Variants in ZNF726 observed in about 807,000 individuals in gnomAD.
ZNF726 encodes the protein zinc finger protein 92 pseudogene 3.
Under a neutral mutation model 11.6 loss-of-function variants are expected in ZNF726, and 15 were observed. The ratio of observed to expected loss-of-function variants is 1.29; its 90% confidence interval spans 0.86 to 1.99. The LOEUF (loss-of-function observed/expected upper bound fraction) is 1.99, where lower values mean the gene tolerates loss of function less well. ZNF726 is among the 30% of genes most tolerant of loss of function. The pLI is 0.00. For missense variants in ZNF726, 890 were observed against 725.6 expected, an observed-to-expected ratio of 1.23 and a Z score of -2.60; for synonymous variants, 295 against 243.6, an observed-to-expected ratio of 1.21 and a Z score of -1.96.
At chr19:23,936,595 G>A (rs1346328531), downstream of ZNF726, among the ~76,000 whole-genome samples, 2 of 151,960 alleles carry the variant, frequency 1.3e-5, no homozygotes. Flanking sequence ...TAAAATGTAA[G>A]ATACATGATG....
At chr19:23,915,031 G>C in intron 1 of ZNF726, 34 bp downstream of exon 1, 1 of 1,613,790 alleles carries the variant, frequency 6.2e-7, no homozygotes, top group Non-Finnish European at 8.5e-7. Context: ...CCAAGAGAGG[G>C]AACGGGGCTG....
Position 23,932,631 on chromosome 19 carries a change from C to G in ZNF726, c.515C>G (p.Pro172Arg), listed in dbSNP as rs764180701. ...AAGATAAGACATACTAGAAAGAAAC[C>G]TTTCAAATGTAAAAATTGTGTCAAA... ...RYKIRHTRKK[P>R]FKCKNCVKSF... is the part of the protein sequence containing the mutation. The change falls in exon 4 of 4, where the codon CCT becomes CGT. Residue 172 changes from proline to arginine, a missense_variant. Physicochemically the swap from Pro to Arg is moderately radical, Grantham distance 103. Coordinates refer to ENST00000594466, the MANE Select transcript of ZNF726 (RefSeq NM_001244038.2). The G allele has an allele frequency of 6.4e-7, 1 of 1,551,960 alleles. No homozygotes were observed. The highest frequency in any genetic ancestry group is 1.4e-5 in the African/African-American group (1 of 71,874).
chr19:23,932,659 A>C lies in ZNF726; in HGVS notation c.543A>C (p.Ser181=), dbSNP rs1490043964. Residue 181 remains serine, a synonymous_variant, in exon 4 of 4, where the codon TCA becomes TCC. Transcript: ENST00000594466. ...TCAAATGTAAAAATTGTGTCAAATCATTTTGCATGTTTTCACACAAAACCC... is the reference window on the plus strand; with the variant it reads ...TCAAATGTAAAAATTGTGTCAAATCCTTTTGCATGTTTTCACACAAAACCC... The part of the protein sequence containing the change: ...KPFKCKNCVK[S]FCMFSHKTQH... The C allele has an allele frequency of 6.3e-7, 1 of 1,580,368 alleles. No homozygotes were observed. Among genetic ancestry groups the C allele is most frequent in the Non-Finnish European group, 8.6e-7 (1 of 1,165,926 alleles).
chr19:23,919,945 G>A (rs772906258), intron 2 of ZNF726, 42 bp from the exon 3 acceptor site: 3 of 1,408,326 alleles, frequency 2.1e-6, no homozygotes, highest in Non-Finnish European at 2.9e-6. Context: ...GGTAATTGGA[G>A]AATATGAGCA....
rs1321137100 is a variant in ZNF726, at chr19:23,933,410, A to G, written c.1294A>G (p.Lys432Glu). Residue 432 changes from lysine (K) to glutamate (E), a missense_variant, in exon 4 of 4, where the codon AAA becomes GAA. By Grantham distance (56) the Lys-to-Glu change is moderately conservative. Transcript: ENST00000594466. ...ACCTTACAAGTGTGAAGAATGCGGC[A>G]AAGCGTTTATATGGTCCTCAAACCT... ...EKPYKCEECG[K>E]AFIWSSNLTE... is the part of the protein sequence containing the mutation. The G allele has an allele frequency of 6.2e-7, 1 of 1,612,656 alleles. No individual in the cohort carries two copies.
rs112737085 is a variant in ZNF726 at position 23,940,004 on chromosome 19, G to A, written c.227-3490G>A. Among the ~76,000 whole-genome samples, 1,436 of 150,970 alleles carry A rather than the reference G, an allele frequency of 9.5e-3. 8 individuals are homozygous for A. The highest frequency in any genetic ancestry group is 0.014 in the Non-Finnish European group (945 of 67,848). ...GTTTACTCCGCTGACTGTTTCATTT[G>A]CCATGCAAAACCTCTTTAGTTTAAT... On this transcript the variant is annotated intron_variant, in intron 3 of 4. Transcript: ENST00000334589.
intron 3 of ZNF726, among the ~76,000 whole-genome samples, chr19:23,929,999 A>G (rs920164305): frequency 1.3e-5 from 2 of 152,126 alleles, no homozygotes; most frequent in Non-Finnish European, 2.9e-5. Context: ...TCACTGTATT[A>G]CTCAGGCTGA....
intron 1 of ZNF726, among the ~76,000 whole-genome samples, chr19:23,916,908 T>C (rs1233528220): frequency 3.9e-5 from 6 of 151,998 alleles, no homozygotes; most frequent in South Asian, 2.1e-4. Context: ...GTAAAACATA[T>C]CTGTACCTTG....
chr19:23,931,010 A>T (rs1349208086), intron 3 of ZNF726, among the ~76,000 whole-genome samples: 1 of 152,040 alleles, frequency 6.6e-6, no homozygotes, highest in Non-Finnish European at 1.5e-5. Flanking sequence ...TTATTCTGTC[A>T]CCCTCACTGG....
downstream of ZNF726, chr19:23,935,695 A>G (rs1968218893): frequency 7.9e-6 from 2 of 254,274 alleles, no homozygotes; most frequent in South Asian, 4.7e-5. Flanking sequence ...TTTATACTGG[A>G]AAAAACTACC....
At chr19:23,937,936 AT>A (rs1030686205), downstream of ZNF726, among the ~76,000 whole-genome samples, 4 of 152,238 alleles carry the variant, frequency 2.6e-5, no homozygotes, top group Admixed American at 1.3e-4. Context: ...TATACAGTAT[AT>A]TTTTAAATTA....
At chr19:23,928,552 TATC>T (rs1195071067) in intron 3 of ZNF726, 20 of 152,294 alleles carry the variant, frequency 1.3e-4, no homozygotes, top group African/African-American at 3.6e-4. Context: ...TTTGTGGTAA[TATC>T]AACCCATTTT....
Position 23,932,967 on chromosome 19 carries a change from C to G in ZNF726, c.851C>G (p.Pro284Arg), listed in dbSNP as rs757634116. 6.2e-7 allele frequency: 1 copy of G among 1,612,164 alleles called. No individual in the cohort carries two copies. The highest frequency in any genetic ancestry group is 1.1e-5 in the South Asian group (1 of 90,964). ...IHKRIHTGEK[P>R]CKCEECGKAF... ...AAGAGGATACATACTGGAGAGAAAC[C>G]CTGCAAATGTGAAGAATGTGGCAAA... The change falls in exon 4 of 4, where the codon CCC (proline) becomes CGC (arginine). Residue 284 changes from proline to arginine, a missense_variant. By Grantham distance (103) the Pro-to-Arg change is moderately radical. Coordinates refer to ENST00000594466, the MANE Select transcript of ZNF726 (RefSeq NM_001244038.2).
chr19:23,942,365 G>T (rs1468308431), intron 3 of ZNF726, among the ~76,000 whole-genome samples: 1 of 152,038 alleles, frequency 6.6e-6, no homozygotes, highest in East Asian at 1.9e-4. Context: ...ATTGAGGCTC[G>T]TTTTATGGCC....
chr19:23,938,263 C>T (rs1968279369), downstream of ZNF726, among the ~76,000 whole-genome samples: 1 of 151,916 alleles, frequency 6.6e-6, no homozygotes, highest in African/African-American at 2.4e-5. Context: ...CCATATATGG[C>T]ATATTTTGAT....
At position 23,934,022 on chromosome 19, in the gene ZNF726, G is replaced by T. The variant is rs182095244; in HGVS notation, c.*55G>T. ...GCAAAGCATTTATATGGTCCTCAAC[G>T]CTAAACATAAGAGGATGCACACTGG... On this transcript the variant is annotated 3_prime_UTR_variant, in exon 4 of 4. Coordinates refer to ENST00000594466, the MANE Select transcript of ZNF726 (RefSeq NM_001244038.2). 7.3e-6 allele frequency: 10 copies of T among 1,375,200 alleles called. No homozygotes were observed. The highest frequency in any genetic ancestry group is 1.2e-5 in the South Asian group (1 of 83,568). The allele number at this position is 1,375,200 out of a possible 1,614,324, so 85.2% of individuals were successfully genotyped here.
chr19:23,926,277 G>A (rs867656957), intron 3 of ZNF726, among the ~76,000 whole-genome samples: 2 of 151,952 alleles, frequency 1.3e-5, no homozygotes, highest in Non-Finnish European at 2.9e-5. Flanking sequence ...TTATCCGGTC[G>A]GGTGCGGTGG....
Position 23,931,135 on chromosome 19 carries a change from T to A in ZNF726, c.227-1208T>A, listed in dbSNP as rs578218684. 3.3e-5 allele frequency among the ~76,000 whole-genome samples: 5 copies of A among 152,300 alleles called. No individual in the cohort carries two copies. In the South Asian group the frequency reaches 8.3e-4, roughly 25 times the overall value. ...GCAGGCACCTGCCACCATGCCCAGC[T>A]AACTTTTTGTATTGTTTTAGTAGAG... On this transcript the variant is annotated intron_variant, in intron 3 of 3. Coordinates refer to ENST00000594466, the MANE Select transcript of ZNF726 (RefSeq NM_001244038.2).
chr19:23,944,395 G>A (rs1019402235), intron 4 of ZNF726: 4 of 152,070 alleles, frequency 2.6e-5, no homozygotes, highest in Non-Finnish European at 5.9e-5. Context: ...TAAATCAAAT[G>A]GTAGTTCTAT....
Sources: gnomAD v4.1 joint callset for allele counts (sites outside exome capture counted in the v4.1 genomes callset) on GRCh38, gnomAD v4.1.1 for gene constraint, MANE v1.5 for transcripts, NCBI Gene and HGNC (gene_info 2026-07-23, HGNC 2026-07-21) for gene names.